The following DNPEP variants were observed in gnomAD, a reference collection of about 807,000 sequenced individuals.
DNPEP encodes the protein aspartyl aminopeptidase.
DNPEP carries 46 observed loss-of-function variants against 59.1 expected under a neutral mutation model. The ratio of observed to expected loss-of-function variants is 0.78; its 90% CI spans 0.61 to 0.99. DNPEP has a LOEUF of 0.99. DNPEP is among the 50% of genes least tolerant of loss of function. The pLI is 0.00. For synonymous variants in DNPEP, 229 were observed against 242.2 expected (o/e 0.95, Z 0.50); for missense variants, 617 against 649.9 (o/e 0.95, Z 0.55).
intron 13 of DNPEP, among the ~76,000 whole-genome samples, chr2:219,376,054 G>A (rs76568921): frequency 6.6e-6 from 1 of 152,138 alleles, no homozygotes. Context: ...AAAAAGCAAG[G>A]AGACTTCCAA....
At chr2:219,388,701 C>T (rs1414349767), upstream of DNPEP, 4 of 985,728 alleles carry the variant, frequency 4.1e-6, no homozygotes, top group Non-Finnish European at 4.8e-6. Context: ...CTCCAGCTCA[C>T]CGGGTCCGAC....
At chr2:219,391,589 G>C (rs946575603), upstream of DNPEP, among the ~76,000 whole-genome samples, 1 of 151,946 alleles carries the variant, frequency 6.6e-6, no homozygotes, top group Non-Finnish European at 1.5e-5. Context: ...AATGATTGCT[G>C]TGTTTAACAA....
chr2:219,375,081 G>A, intron 13 of DNPEP, 59 bp from the exon 14 acceptor site: 4 of 1,570,986 alleles, frequency 2.5e-6, no homozygotes, highest in Non-Finnish European at 8.7e-7. Context: ...GAGCCAAGGA[G>A]GACGCCATCT....
Position 219,373,077 on chromosome 2 carries a change from T to A in DNPEP, c.*1215A>T, listed in dbSNP as rs1953241512. On this transcript the variant is annotated 3_prime_UTR_variant, in exon 15 of 15. Coordinates refer to ENST00000273075, the MANE Select transcript of DNPEP (RefSeq NM_012100.4). ...CAGGCTTTGACTTTTTCTTTTTCTT[T>A]TTTTTTTTTTGAGAGAGTTTCACCC... 6.6e-6 allele frequency among the ~76,000 whole-genome samples: 1 copy of A among 151,196 alleles called. No individual in the cohort carries two copies. The highest frequency in any genetic ancestry group is 6.6e-5 in the Admixed American group (1 of 15,162).
intron 6 of DNPEP, 32 bp from the exon 7 acceptor site, chr2:219,385,738 C>A (rs200325612): frequency 6.4e-7 from 1 of 1,565,738 alleles, no homozygotes; most frequent in East Asian, 2.3e-5. Context: ...GGGGGGATTG[C>A]GAGGAGGGCA....
chr2:219,374,534 G>A (rs1574966553), intron 14 of DNPEP, among the ~76,000 whole-genome samples, 192 bp from the exon 15 acceptor site: 1 of 152,210 alleles, frequency 6.6e-6, no homozygotes, highest in Non-Finnish European at 1.5e-5. Flanking sequence ...TTTGGGTCAG[G>A]GCCCCTGAGC....
At chr2:219,381,505 C>G (rs1468797686) in intron 12 of DNPEP, 40 bp downstream of exon 12, 1 of 1,613,894 alleles carries the variant, frequency 6.2e-7, no homozygotes, top group Admixed American at 1.7e-5. Context: ...CTCGGAACAG[C>G]CAGACCTCCA....
chr2:219,385,770 A>C, intron 6 of DNPEP, 64 bp from the exon 7 acceptor site: 1 of 1,470,304 alleles, frequency 6.8e-7, no homozygotes, highest in Non-Finnish European at 9.2e-7. Flanking sequence ...GGCATCCATA[A>C]GTTCAGGTGC....
chr2:219,382,153 A>G lies in DNPEP; in HGVS notation c.937-14T>C. 6.2e-7 allele frequency: 1 copy of G among 1,604,520 alleles called. No homozygotes were observed. The highest frequency in any genetic ancestry group is 1.1e-5 in the South Asian group (1 of 91,002). ...CTCAGACCCCACCTGGCGACAGTAG[A>G]GTCCTGACTCTGGGAATCTGGGCTT... On this transcript the variant is annotated splice_polypyrimidine_tract_variant and intron_variant, in intron 10 of 14. Transcript: ENST00000273075.
Position 219,372,967 on chromosome 2 carries a change from A to G in DNPEP, c.*1325T>C, listed in dbSNP as rs928033203. 6.6e-6 allele frequency among the ~76,000 whole-genome samples: 1 copy of G among 152,220 alleles called. No individual in the cohort carries two copies. The highest frequency in any genetic ancestry group is 2.4e-5 in the African/African-American group (1 of 41,460). ...TGAAGTGGAATATTTATATGGAAAT[A>G]AACTTTTATATAGGTATCAAAAAGA... On this transcript the variant is annotated 3_prime_UTR_variant, in exon 15 of 15. Transcript: ENST00000273075.
intron 13 of DNPEP, among the ~76,000 whole-genome samples, chr2:219,377,860 G>A (rs1953435001): frequency 6.6e-6 from 1 of 151,728 alleles, no homozygotes; most frequent in Admixed American, 6.6e-5. Flanking sequence ...GAGTTTGAGG[G>A]TGCAGTGAGC....
At chr2:219,387,692 GGGCCCCGGAGGGCGCC>G in intron 1 of DNPEP, 51 bp downstream of exon 1, 5 of 1,601,074 alleles carry the variant, frequency 3.1e-6, no homozygotes, top group Non-Finnish European at 4.3e-6. Context: ...CGCTAAGCTT[GGGCCCCGGAGGGCGCC>G]GGACCCGGTC....
intron 1 of DNPEP, among the ~76,000 whole-genome samples, chr2:219,398,710 C>G (rs1272739874): frequency 2.0e-5 from 3 of 152,034 alleles, no homozygotes; most frequent in Non-Finnish European, 4.4e-5. Context: ...TTTCAGAAGA[C>G]TTTTAGGACA....
chr2:219,387,908 G>A lies in DNPEP; in HGVS notation c.-114C>T, dbSNP rs897901926. 8.8e-6 allele frequency: 12 copies of A among 1,366,176 alleles called. No homozygotes were observed. Among genetic ancestry groups the A allele is most frequent in the South Asian group, 1.6e-5 (1 of 61,964 alleles). The allele number at this position is 1,366,176 out of a possible 1,614,324, so 84.6% of individuals were successfully genotyped here. ...CGCCGCACTCGTAGGCCTTCATCACGCTTCCCCGGCCGCGCCGCCCCGCCC... is the reference window on the plus strand; with the variant it reads ...CGCCGCACTCGTAGGCCTTCATCACACTTCCCCGGCCGCGCCGCCCCGCCC... On this transcript the variant is annotated 5_prime_UTR_variant, in exon 1 of 15. Coordinates refer to ENST00000273075, the MANE Select transcript of DNPEP (RefSeq NM_012100.4).
At chr2:219,379,315 A>G (rs72963518) in intron 13 of DNPEP, among the ~76,000 whole-genome samples, 11,401 of 152,040 alleles carry the variant, frequency 0.075, 817 homozygotes, top group African/African-American at 0.19. Flanking sequence ...CATTGTTATC[A>G]TGGTAGATAG....
At chr2:219,375,583 A>G (rs1461238115) in intron 13 of DNPEP, among the ~76,000 whole-genome samples, 1 of 152,114 alleles carries the variant, frequency 6.6e-6, no homozygotes, top group African/African-American at 2.4e-5. Context: ...TTATTTTGAG[A>G]TGGAGTCTCC....
At chr2:219,378,619 T>C (rs1034512019) in intron 13 of DNPEP, among the ~76,000 whole-genome samples, 1 of 152,108 alleles carries the variant, frequency 6.6e-6, no homozygotes, top group African/African-American at 2.4e-5. Flanking sequence ...GACAGATAAA[T>C]ATAGAAATAG....
chr2:219,393,009 T>C (rs1300222852), upstream of DNPEP, among the ~76,000 whole-genome samples: 1 of 152,180 alleles, frequency 6.6e-6, no homozygotes, highest in Non-Finnish European at 1.5e-5. Flanking sequence ...CTCCAACCTG[T>C]GTGGCTGGAG....
At chr2:219,399,052 T>C (rs1421752450) in intron 1 of DNPEP, among the ~76,000 whole-genome samples, 1 of 152,218 alleles carries the variant, frequency 6.6e-6, no homozygotes, top group Non-Finnish European at 1.5e-5. Context: ...TCCCGTTTAT[T>C]TACTCCTTGC....
Sources: gnomAD v4.1 joint callset for allele counts (sites outside exome capture counted in the v4.1 genomes callset) on GRCh38, gnomAD v4.1.1 for gene constraint, MANE v1.5 for transcripts, NCBI Gene and HGNC (gene_info 2026-07-23, HGNC 2026-07-21) for gene names.